The following PLAT variants were observed in gnomAD, a reference collection of about 807,000 sequenced individuals.
The protein encoded by PLAT is tissue-type plasminogen activator.
In PLAT, 48 loss-of-function variants were observed where a neutral mutation model predicts 74.9. The ratio of observed to expected loss-of-function variants is 0.64; its 90% CI spans 0.51 to 0.82. PLAT has a LOEUF of 0.82. Among genes scored for constraint, PLAT ranks in the 40% least tolerant of loss-of-function variants. The pLI is 0.00. For synonymous variants in PLAT, 307 were observed against 294.4 expected (o/e 1.04, Z -0.44); for missense variants, 673 against 736.2 (o/e 0.91, Z 0.99).
At chr8:42,184,976 G>C (rs1805393359) in intron 7 of PLAT, 105 bp downstream of exon 7, 1 of 695,092 alleles carries the variant, frequency 1.4e-6, no homozygotes, top group South Asian at 2.0e-5. Flanking sequence ...ACTCACTCCT[G>C]GCCTCCCCCT....
rs1243609576 is a variant in PLAT at position 42,188,976 on chromosome 8, A to G, written c.211T>C (p.Cys71Arg). 4 of 1,614,094 alleles carry G rather than the reference A, an allele frequency of 2.5e-6. No individual in the cohort carries two copies. Among genetic ancestry groups the G allele is most frequent in the Non-Finnish European group, 3.4e-6 (4 of 1,179,976 alleles). Residue 71 changes from cysteine to arginine, a missense_variant, in exon 4 of 14, where the codon TGC becomes CGC. Physicochemically the swap from Cys to Arg is radical, Grantham distance 180. Coordinates refer to ENST00000220809, the MANE Select transcript of PLAT (RefSeq NM_000930.5). ...TGGCACTGTGCCCTGCCACTGTTGCACCAGCAATATTCCACCCGGTTGCTT... is the reference window on the plus strand; with the variant it reads ...TGGCACTGTGCCCTGCCACTGTTGCGCCAGCAATATTCCACCCGGTTGCTT... ...LRSNRVEYCW[C>R]NSGRAQCHSV...
chr8:42,191,181 C>T (rs867096217), intron 3 of PLAT, among the ~76,000 whole-genome samples, 191 bp downstream of exon 3: 2 of 152,162 alleles, frequency 1.3e-5, no homozygotes, highest in African/African-American at 4.8e-5. Context: ...AATCAGAACC[C>T]GCCCAGTGGC....
rs1271481005 is a variant in PLAT at position 42,191,403 on chromosome 8, G to A, written c.84C>T (p.Ala28=). ...VFVSPSQEIH[A]RFRRGARSYQ... is the part of the protein sequence containing the mutation. ...AAGATCTGGCTCCTCTTCTGAATCG[G>A]GCATGGATTTCCTGCGAAGAAACCA... The change falls in exon 3 of 14, where the codon GCC becomes GCT. Residue 28 remains alanine, a synonymous_variant. Transcript: ENST00000220809. The A allele has an allele frequency of 1.2e-6, 2 of 1,614,082 alleles. No individual in the cohort carries two copies. The highest frequency in any genetic ancestry group is 1.1e-5 in the South Asian group (1 of 91,076).
intron 1 of PLAT, among the ~76,000 whole-genome samples, chr8:42,205,324 C>G (rs1806289722): frequency 6.6e-6 from 1 of 152,180 alleles, no homozygotes; most frequent in African/African-American, 2.4e-5. Flanking sequence ...GTCACGAGTT[C>G]AAGACCAGTC....
At chr8:42,204,580 T>G (rs112923758) in intron 1 of PLAT, among the ~76,000 whole-genome samples, 4 of 151,188 alleles carry the variant, frequency 2.6e-5, no homozygotes, top group African/African-American at 9.7e-5. Context: ...CTGGGTGTGG[T>G]GGCGGGCGCC....
intron 13 of PLAT, among the ~76,000 whole-genome samples, chr8:42,178,411 C>T (rs1266144652): frequency 6.6e-6 from 1 of 152,112 alleles, no homozygotes; most frequent in Non-Finnish European, 1.5e-5. Context: ...GCTGGGATTA[C>T]AGGCATGTGC....
At chr8:42,187,024 A>ATCTC in intron 6 of PLAT, 1 of 53,434 alleles carries the variant, frequency 1.9e-5, no homozygotes, top group East Asian at 4.0e-4. Context: ...ACCACCTATC[A>ATCTC]TCTATCATCT....
chr8:42,174,800 T>C lies in PLAT; in HGVS notation c.*1193A>G, dbSNP rs1804900404. Among the ~76,000 whole-genome samples the C allele has an allele frequency of 6.6e-6, 1 of 152,146 alleles. No individual in the cohort carries two copies. The highest frequency in any genetic ancestry group is 2.1e-4 in the South Asian group (1 of 4,826). ...CCAGCCTATGTTCCTCTTCCTGAAG[T>C]TCACTTCAGACAAGCTCAACTCATT... On this transcript the variant is annotated 3_prime_UTR_variant, in exon 14 of 14. Coordinates refer to ENST00000220809, the MANE Select transcript of PLAT (RefSeq NM_000930.5).
At chr8:42,192,361 G>A (rs1805721554) in intron 2 of PLAT, among the ~76,000 whole-genome samples, 1 of 151,844 alleles carries the variant, frequency 6.6e-6, no homozygotes, top group Non-Finnish European at 1.5e-5. Context: ...CCATATCTGT[G>A]GATTCAACCA....
intron 1 of PLAT, among the ~76,000 whole-genome samples, chr8:42,193,984 G>A (rs1264227812): frequency 6.7e-6 from 1 of 149,814 alleles, no homozygotes; most frequent in Non-Finnish European, 1.5e-5. Context: ...AAAGTGGTGG[G>A]ATTACAGGCG....
chr8:42,189,574 A>G (rs1011530704), intron 3 of PLAT, among the ~76,000 whole-genome samples: 1 of 151,520 alleles, frequency 6.6e-6, no homozygotes, highest in Middle Eastern at 3.2e-3. Context: ...GTATCTTCTC[A>G]TATGATTTAT....
chr8:42,186,104 C>CA (rs1805443585), intron 6 of PLAT: 1 of 151,444 alleles, frequency 6.6e-6, no homozygotes, highest in Non-Finnish European at 1.5e-5. Context: ...CCGGGAACTA[C>CA]GTCAGGCAAA....
In PLAT at chr8:42,187,553, G is replaced by T. The variant is rs114679748; in HGVS notation, c.384C>A (p.Tyr128Ter). The change falls in exon 6 of 14, where the codon TAC (tyrosine) becomes TAA (stop). Residue 128 changes from tyrosine to a stop codon, truncating the protein, a stop_gained. Coordinates refer to ENST00000220809, the MANE Select transcript of PLAT (RefSeq NM_000930.5). LOFTEE classifies it high-confidence loss of function. ...CCCTGTAGCTGATGCCCTGGTCCTCGTAGCACGTGGCCCTGGTATCTGACA... is the reference window on the plus strand; with the variant it reads ...CCCTGTAGCTGATGCCCTGGTCCTCTTAGCACGTGGCCCTGGTATCTGACA... ...CCEIDTRATCYEDQGISYRGT... is the reference protein window; with the variant it reads ...CCEIDTRATC 3 of 1,601,788 alleles carry T rather than the reference G, an allele frequency of 1.9e-6. No homozygotes were observed. The highest frequency in any genetic ancestry group is 2.6e-6 in the Non-Finnish European group (3 of 1,172,586).
intron 7 of PLAT, 75 bp from the exon 8 acceptor site, chr8:42,182,965 G>C (rs527638076): frequency 8.1e-7 from 1 of 1,240,806 alleles, no homozygotes; most frequent in Non-Finnish European, 1.1e-6. Context: ...GGCTTGAAGC[G>C]GAGCTGCCGG....
chr8:42,180,833 A>G, intron 9 of PLAT, 148 bp from the exon 10 acceptor site: 1 of 610,236 alleles, frequency 1.6e-6, no homozygotes, highest in Non-Finnish European at 2.8e-6. Flanking sequence ...CATTCTCTTT[A>G]GTTCCCACAG....
At chr8:42,185,018 C>T (rs1172183372) in intron 7 of PLAT, 63 bp downstream of exon 7, 21 of 1,127,572 alleles carry the variant, frequency 1.9e-5, no homozygotes, top group Admixed American at 2.3e-5. Context: ...GGCTATCGGC[C>T]TGTCCTCCTG....
intron 1 of PLAT, among the ~76,000 whole-genome samples, chr8:42,199,797 A>T (rs1417510370): frequency 1.3e-5 from 2 of 152,248 alleles, no homozygotes; most frequent in African/African-American, 4.8e-5. Flanking sequence ...TCAGTGCAAT[A>T]AAATGTTAAC....
rs368037719 is a variant in PLAT at position 42,180,696 on chromosome 8, A to G, written c.890-11T>C. 6.4e-7 allele frequency: 1 copy of G among 1,551,940 alleles called. No individual in the cohort carries two copies. Among genetic ancestry groups the G allele is most frequent in the Non-Finnish European group, 8.7e-7 (1 of 1,148,090 alleles). ...TCAGGCCGCAGGTGGCTGGGGAGGA[A>G]AGGACGAGGAGGCAGTCAGTCCCAC... On this transcript the variant is annotated splice_polypyrimidine_tract_variant and intron_variant, in intron 9 of 13. Transcript: ENST00000220809.
In PLAT at chr8:42,175,885, G is replaced by T; in HGVS notation, c.*108C>A. On this transcript the variant is annotated 3_prime_UTR_variant, in exon 14 of 14. Transcript: ENST00000220809. Reference sequence around the variant, plus strand: ...TGTAGGGTCTCGTCCCGCTTCTGCGGTGTGGTGGGTCTGGAGAAGTCTGTA... The same window carrying T: ...TGTAGGGTCTCGTCCCGCTTCTGCGTTGTGGTGGGTCTGGAGAAGTCTGTA... The T allele has an allele frequency of 9.6e-7, 1 of 1,042,432 alleles. No individual in the cohort carries two copies. Among genetic ancestry groups the T allele is most frequent in the Non-Finnish European group, 1.4e-6 (1 of 693,334 alleles). 64.6% of individuals were successfully genotyped at this position (1,042,432 alleles called of 1,614,324 possible).
Sources: allele counts gnomAD v4.1 joint callset (sites outside exome capture counted in the v4.1 genomes callset), GRCh38; gene constraint gnomAD v4.1.1; transcripts MANE v1.5; gene names NCBI Gene and HGNC (gene_info 2026-07-23, HGNC 2026-07-21).